NEDD4: variants seen among roughly 807,000 people sequenced by gnomAD.
NEDD4 encodes E3 ubiquitin-protein ligase NEDD4.
NEDD4 carries 99 observed loss-of-function variants against 144.9 expected under a neutral mutation model. The ratio of observed to expected loss-of-function variants is 0.68; its 90% CI spans 0.58 to 0.81. The LOEUF is 0.81. Ranked by LOEUF, NEDD4 falls within the 30% of genes least tolerant of loss-of-function variation. The pLI, the probability that NEDD4 is intolerant of heterozygous loss-of-function variation, is 0.00. For synonymous variants in NEDD4, 318 were observed against 350.6 expected (o/e 0.91, Z 1.04); for missense variants, 985 against 1,065.9 (o/e 0.92, Z 1.06).
chr15:55,868,860 G>C (rs1478557730), intron 8 of NEDD4, among the ~76,000 whole-genome samples: 1 of 152,066 alleles, frequency 6.6e-6, no homozygotes, highest in Non-Finnish European at 1.5e-5. Context: ...AAACCCTCGA[G>C]GTCATCTGAT....
chr15:55,951,456 C>G (rs1223071744), intron 3 of NEDD4, 42 bp from the exon 4 acceptor site: 1 of 1,347,072 alleles, frequency 7.4e-7, no homozygotes. Flanking sequence ...AAGGTTTTGT[C>G]TTATAAAAAT....
In NEDD4 at chr15:55,951,382, T is replaced by C. The variant is rs1266840029; in HGVS notation, c.231A>G (p.Leu77=). The stretch of plus-strand genomic sequence containing the variant: ...AAATAAAATATATACTTACTCTGAA[T>C]AATATTTCTTCATTCCACTTTGGAT... ...SLNPKWNEEI[L]FRVHPQQHRL... is the part of the protein sequence containing the mutation. Residue 77 remains leucine, a synonymous_variant, in exon 4 of 29, where the codon TTA becomes TTG. Transcript: ENST00000435532. 4 of 958,184 alleles carry C rather than the reference T, an allele frequency of 4.2e-6. No individual in the cohort carries two copies. In the African/African-American group the frequency reaches 6.8e-5, roughly 16 times the overall value. The allele number at this position is 958,184 out of a possible 1,614,324, so 59.4% of individuals were successfully genotyped here. A position where few individuals can be genotyped will look rare whatever the true frequency, so the allele number is the denominator to read the frequency against.
intron 2 of NEDD4, among the ~76,000 whole-genome samples, chr15:55,961,143 G>C (rs1019388207): frequency 6.6e-6 from 1 of 152,180 alleles, no homozygotes; most frequent in East Asian, 1.9e-4. Flanking sequence ...CAAGTTTGCT[G>C]TGAGAGGGAC....
rs1045823596 is a variant in NEDD4, at chr15:55,875,792, C to T, written c.292-1784G>A. Among the ~76,000 whole-genome samples the T allele has an allele frequency of 2.6e-5, 4 of 151,664 alleles. 1 individual carries two copies. The highest frequency in any genetic ancestry group is 1.9e-4 in the East Asian group (1 of 5,164). ...TGTGGAAAAATTTCAAGCAGTCTGACGTATGTGTAACTGGAGTTCCATAAA... is the reference window on the plus strand; with the variant it reads ...TGTGGAAAAATTTCAAGCAGTCTGATGTATGTGTAACTGGAGTTCCATAAA... On this transcript the variant is annotated intron_variant, in intron 5 of 28. Transcript: ENST00000435532.
intron 4 of NEDD4, among the ~76,000 whole-genome samples, chr15:55,925,764 GT>G (rs1257730731): frequency 6.6e-6 from 1 of 152,042 alleles, no homozygotes; most frequent in East Asian, 1.9e-4. Context: ...CATAATCCTA[GT>G]TTTACCTACA....
chr15:55,971,681 T>TA (rs1410998151), intron 1 of NEDD4, among the ~76,000 whole-genome samples: 11 of 146,364 alleles, frequency 7.5e-5, no homozygotes, highest in Admixed American at 5.5e-4. Context: ...GAGATTGGGG[T>TA]AAAAAGTTTA....
chr15:55,836,933 T>C (rs1180567143), intron 24 of NEDD4, among the ~76,000 whole-genome samples: 5 of 152,150 alleles, frequency 3.3e-5, no homozygotes, highest in African/African-American at 1.2e-4. Flanking sequence ...TGTTGGGATT[T>C]TAGGCGTCAG....
intron 17 of NEDD4, 53 bp from the exon 18 acceptor site, chr15:55,847,087 G>C: frequency 8.2e-7 from 1 of 1,212,966 alleles, no homozygotes; most frequent in Admixed American, 2.0e-5. Flanking sequence ...TTTTATTCTG[G>C]AACAATTTTT....
At chr15:55,992,381 A>G (rs767572597) in intron 1 of NEDD4, among the ~76,000 whole-genome samples, 32 of 152,184 alleles carry the variant, frequency 2.1e-4, no homozygotes, top group Admixed American at 3.9e-4. Context: ...CTTTATAAAC[A>G]AAGAACTCTC....
chr15:55,893,541 C>T (rs1469877721), intron 5 of NEDD4, among the ~76,000 whole-genome samples: 1 of 151,460 alleles, frequency 6.6e-6, no homozygotes, highest in Non-Finnish European at 1.5e-5. Context: ...AACCTCTTTG[C>T]TTAAAGTGGA....
chr15:55,901,430 G>A (rs1226249654), intron 5 of NEDD4, among the ~76,000 whole-genome samples: 1 of 152,144 alleles, frequency 6.6e-6, no homozygotes, highest in Admixed American at 6.5e-5. Flanking sequence ...TTAATTTGCT[G>A]TATAATTCTT....
At chr15:55,931,884 C>G (rs2036788752) in intron 4 of NEDD4, among the ~76,000 whole-genome samples, 1 of 152,136 alleles carries the variant, frequency 6.6e-6, no homozygotes, top group Non-Finnish European at 1.5e-5. Context: ...AAAATGAAAC[C>G]TTATGTCTTT....
At chr15:55,869,891 A>ATAAATAAATAAATAAT (rs2034720631) in intron 7 of NEDD4, among the ~76,000 whole-genome samples, 4 of 151,784 alleles carry the variant, frequency 2.6e-5, no homozygotes, top group Admixed American at 2.6e-4. Flanking sequence ...AAATAAATAA[A>ATAAATAAATAAATAAT]TAATTGTTAT....
At chr15:55,907,427 T>A in intron 5 of NEDD4, among the ~76,000 whole-genome samples, 1 of 152,354 alleles carries the variant, frequency 6.6e-6, no homozygotes, top group South Asian at 2.1e-4. Flanking sequence ...AGTAGGTATA[T>A]AAACATTATT....
intron 4 of NEDD4, among the ~76,000 whole-genome samples, chr15:55,950,701 G>A (rs1414012710): frequency 1.3e-5 from 2 of 152,020 alleles, no homozygotes; most frequent in Non-Finnish European, 2.9e-5. Context: ...ACTCTCCCAT[G>A]AATGTTCCTT....
In NEDD4 at chr15:55,833,108, A is replaced by C. The variant is rs765576540; in HGVS notation, c.2431-4T>G. 1.6e-5 allele frequency: 26 copies of C among 1,592,076 alleles called. No homozygotes were observed. The highest frequency in any genetic ancestry group is 2.2e-5 in the Non-Finnish European group (26 of 1,162,022). On this transcript the variant is annotated splice_polypyrimidine_tract_variant and splice_region_variant and intron_variant, in intron 26 of 28. Coordinates refer to ENST00000435532, the MANE Select transcript of NEDD4 (RefSeq NM_006154.4). ...CTGAATCCATCATTAAAACAGCCTG[A>C]ATAAGATAAAAACATCATTTAGGGA...
At position 55,878,918 on chromosome 15, in the gene NEDD4, G is replaced by A. The variant is rs553655532; in HGVS notation, c.292-4910C>T. On this transcript the variant is annotated intron_variant, in intron 5 of 28. Coordinates refer to ENST00000435532, the MANE Select transcript of NEDD4 (RefSeq NM_006154.4). ...ACTCACTGCAACCTCCGCCTCCCTC[G>A]TTCAAGCGATTCTTCTGCCTCAGCC... Among the ~76,000 whole-genome samples the A allele has an allele frequency of 4.4e-4, 67 of 152,326 alleles. 1 individual carries two copies. The highest frequency in any genetic ancestry group is 1.6e-3 in the African/African-American group (67 of 41,564).
Position 55,838,497 on chromosome 15 carries a change from A to G in NEDD4, c.2127+12T>C. 1 of 1,593,420 alleles carries G rather than the reference A, an allele frequency of 6.3e-7. No individual in the cohort carries two copies. The highest frequency in any genetic ancestry group is 8.6e-7 in the Non-Finnish European group (1 of 1,162,470). ...ATTTATGTGCCATTTTAACTGATCA[A>G]AATTCACAAACCTGTCCAAAAAGTT... On this transcript the variant is annotated intron_variant, in intron 22 of 28. Coordinates refer to ENST00000435532, the MANE Select transcript of NEDD4 (RefSeq NM_006154.4).
intron 4 of NEDD4, among the ~76,000 whole-genome samples, chr15:55,944,537 T>C (rs1443497401): frequency 6.6e-6 from 1 of 152,220 alleles, no homozygotes; most frequent in African/African-American, 2.4e-5. Flanking sequence ...ACTGCCTATA[T>C]AGACTCAACC....
Sources: allele counts gnomAD v4.1 joint callset (sites outside exome capture counted in the v4.1 genomes callset), GRCh38; gene constraint gnomAD v4.1.1; transcripts MANE v1.5; gene names NCBI Gene and HGNC (gene_info 2026-07-23, HGNC 2026-07-21).